The following ARAP1 variants were observed in gnomAD, a reference collection of about 807,000 sequenced individuals.
ARAP1 encodes the protein arf-GAP with Rho-GAP domain, ANK repeat and PH domain-containing protein 1.
A neutral mutation model predicts 172.2 loss-of-function variants in ARAP1; 76 were observed. The observed-to-expected ratio is 0.44, with a 90% CI of 0.37 to 0.53. ARAP1 has a LOEUF of 0.53. ARAP1 is among the 20% of genes least tolerant of loss of function. The probability of loss-of-function intolerance (pLI) is 0.00; values close to 1 mark genes in which losing one functional copy is unlikely to be tolerated. For synonymous variants in ARAP1, 804 were observed against 803.3 expected (o/e 1.00, Z -0.01); for missense variants, 1,686 against 1,977.5 (o/e 0.85, Z 2.80).
In ARAP1 at chr11:72,706,747, A is replaced by G. The variant is rs146383888; in HGVS notation, c.1723+428T>C. Among the ~76,000 whole-genome samples the G allele has an allele frequency of 3.4e-3, 521 of 151,922 alleles. 4 individuals are homozygous for G. The highest frequency in any genetic ancestry group is 0.012 in the African/African-American group (501 of 41,412). ...CCACCAGCCAGAGTCTGACCCACAAATCTGACCATGTCCCCGCCTCCCATC... is the reference window on the plus strand; with the variant it reads ...CCACCAGCCAGAGTCTGACCCACAAGTCTGACCATGTCCCCGCCTCCCATC... On this transcript the variant is annotated intron_variant, in intron 12 of 34. Transcript: ENST00000393609.
At position 72,726,185 on chromosome 11, in the gene ARAP1, T is replaced by C. The variant is rs747428944; in HGVS notation, c.509+435A>G. Among the ~76,000 whole-genome samples the C allele has an allele frequency of 3.9e-5, 6 of 152,014 alleles. No homozygotes were observed. The highest frequency in any genetic ancestry group is 7.4e-5 in the Non-Finnish European group (5 of 67,976). ...CACCACCAGGACCTGGGCAGTCCCC[T>C]CACCCCCAACCCTACCCCGCAGCTT... On this transcript the variant is annotated intron_variant, in intron 3 of 34. Coordinates refer to ENST00000393609, the MANE Select transcript of ARAP1 (RefSeq NM_001040118.3). This position sits in a 1 kb window ranked among gnomAD's most constrained non-coding sequence, Gnocchi z 6.5.
At chr11:72,707,838 G>A (rs1028137427) in intron 11 of ARAP1, among the ~76,000 whole-genome samples, 2 of 152,058 alleles carry the variant, frequency 1.3e-5, no homozygotes, top group African/African-American at 4.8e-5. Context: ...TGTACCCTGA[G>A]GACAATGGAG....
At chr11:72,688,806 A>G in intron 30 of ARAP1, 1 of 427,650 alleles carries the variant, frequency 2.3e-6, no homozygotes, top group Non-Finnish European at 4.3e-6. Context: ...CCCAACTGGG[A>G]CATCTGTAAC....
intron 3 of ARAP1, among the ~76,000 whole-genome samples, chr11:72,723,923 A>C (rs1437388973): frequency 3.3e-5 from 5 of 152,174 alleles, no homozygotes; most frequent in Non-Finnish European, 5.9e-5. Flanking sequence ...CTCAAGCCTG[A>C]CAGTGCACAA....
rs1358930540 is a variant in ARAP1 at position 72,706,006 on chromosome 11, G to C, written c.1724-116C>G. The C allele has an allele frequency of 9.4e-6, 9 of 953,372 alleles. No homozygotes were observed. The East Asian group carries it at 1.0e-4, about 11-fold the overall frequency. 59.1% of individuals were successfully genotyped at this position (953,372 alleles called of 1,614,324 possible). On this transcript the variant is annotated intron_variant, in intron 12 of 34. Coordinates refer to ENST00000393609, the MANE Select transcript of ARAP1 (RefSeq NM_001040118.3). ...ATGAGAGGCCACAGGCAGGCCCCAGGGGGTAGGCCTGCTGGCAGCTCTGGA... is the reference window on the plus strand; with the variant it reads ...ATGAGAGGCCACAGGCAGGCCCCAGCGGGTAGGCCTGCTGGCAGCTCTGGA...
chr11:72,730,314 T>G (rs540292723), intron 2 of ARAP1, among the ~76,000 whole-genome samples: 1 of 152,344 alleles, frequency 6.6e-6, no homozygotes, highest in African/African-American at 2.4e-5. Flanking sequence ...AAATACTGCT[T>G]TCTACCTATC....
Position 72,712,536 on chromosome 11 carries a change from G to C in ARAP1, c.780C>G (p.Ala260=). The change falls in exon 6 of 35, where the codon GCC becomes GCG. Residue 260 remains alanine (A), a synonymous_variant. Transcript: ENST00000393609. ...CGCTCAGCAGACTGGCCACGCGCAC[G>C]GCCCGTGGGACTCGGCTCGGTGGGG... is the stretch of plus-strand genomic sequence containing the variant. ...EEPPPSRVPR[A]VRVASLLSEG... 1 of 1,613,472 alleles carries C rather than the reference G, an allele frequency of 6.2e-7. No homozygotes were observed. The highest frequency in any genetic ancestry group is 8.5e-7 in the Non-Finnish European group (1 of 1,179,924).
intron 4 of ARAP1, 114 bp from the exon 5 acceptor site, chr11:72,713,357 C>A: frequency 2.1e-6 from 2 of 960,168 alleles, no homozygotes; most frequent in Admixed American, 2.4e-5. Flanking sequence ...TCCCCACCTC[C>A]CCCTGGCTTT....
chr11:72,708,932 G>A (rs987793128), intron 11 of ARAP1, among the ~76,000 whole-genome samples: 3 of 152,086 alleles, frequency 2.0e-5, no homozygotes, highest in Non-Finnish European at 4.4e-5. Context: ...AGCTACTTGG[G>A]GAGGCTGAAG....
Position 72,695,721 on chromosome 11 carries a change from A to G in ARAP1, c.3417T>C (p.Phe1139=). 6.2e-7 allele frequency: 1 copy of G among 1,614,164 alleles called. No homozygotes were observed. Among genetic ancestry groups the G allele is most frequent in the Non-Finnish European group, 8.5e-7 (1 of 1,180,022 alleles). ...EDLINHYVVV[F]SVDEEELRKQ... is the part of the protein sequence containing the mutation. ...TGCCCACTGGCCAGGGACGCACACTAAACACCACCACATAGTGGTTAATGA... is the reference window on the plus strand; with the variant it reads ...TGCCCACTGGCCAGGGACGCACACTGAACACCACCACATAGTGGTTAATGA... The change falls in exon 24 of 35, where the codon TTT becomes TTC. Residue 1139 remains phenylalanine (F), a synonymous_variant. Coordinates refer to ENST00000393609, the MANE Select transcript of ARAP1 (RefSeq NM_001040118.3). This position sits in a 1 kb window ranked among gnomAD's most constrained non-coding sequence, Gnocchi z 4.4.
chr11:72,719,574 G>C (rs1443198903), intron 3 of ARAP1, among the ~76,000 whole-genome samples: 1 of 152,194 alleles, frequency 6.6e-6, no homozygotes, highest in Non-Finnish European at 1.5e-5. Flanking sequence ...CACCTTGAAG[G>C]AGACCCAGGC....
chr11:72,697,834 T>TGG, intron 19 of ARAP1, 77 bp downstream of exon 19: 1 of 1,489,844 alleles, frequency 6.7e-7, no homozygotes, highest in South Asian at 1.4e-5. Flanking sequence ...AGTTCAGATT[T>TGG]CCAGGCAAGG....
At chr11:72,716,172 C>CA (rs201462857) in intron 3 of ARAP1, among the ~76,000 whole-genome samples, 14,506 of 72,056 alleles carry the variant, frequency 0.2, 1,699 homozygotes, top group African/African-American at 0.3. Flanking sequence ...GACTCCGTCT[C>CA]AAAAAAAAAA....
chr11:72,705,753 CT>C, intron 13 of ARAP1, 51 bp downstream of exon 13: 1 of 1,595,076 alleles, frequency 6.3e-7, no homozygotes. Flanking sequence ...ACCCAGACAG[CT>C]GTTGAATGGG....
In ARAP1 at chr11:72,697,426, C is replaced by T. The variant is rs1400436951; in HGVS notation, c.2850G>A (p.Gln950=). ...TGTCCCCCATGCTGGCGGCTGCTTT[C>T]TGGATGGCCCCCAGCCAACCCATGA... ...LDFMGWLGAI[Q]KAAASMGDTL... The change falls in exon 21 of 35, where the codon CAG becomes CAA. Residue 950 remains glutamine, a synonymous_variant. Transcript: ENST00000393609. The T allele has an allele frequency of 3.1e-6, 5 of 1,612,140 alleles. No homozygotes were observed. In the African/African-American group the frequency reaches 6.7e-5, roughly 22 times the overall value.
At chr11:72,685,909 C>G in intron 34 of ARAP1, 133 bp downstream of exon 34, 1 of 1,537,392 alleles carries the variant, frequency 6.5e-7, no homozygotes, top group Non-Finnish European at 9.0e-7. Flanking sequence ...ATGAGGGCCC[C>G]CACCAAGGCT....
At chr11:72,744,841 G>A (rs370332374) in intron 1 of ARAP1, among the ~76,000 whole-genome samples, 1 of 152,178 alleles carries the variant, frequency 6.6e-6, no homozygotes, top group East Asian at 1.9e-4. Context: ...GTTCATGTCC[G>A]TGGAACAGAA....
At chr11:72,743,577 G>C (rs1001932290) in intron 1 of ARAP1, among the ~76,000 whole-genome samples, 7 of 152,176 alleles carry the variant, frequency 4.6e-5, no homozygotes. Context: ...GGCAGAGTGA[G>C]GGAGAGTTGG....
rs1019765398 is a variant in ARAP1, at chr11:72,686,906, G to C, written c.4185+533C>G. Among the ~76,000 whole-genome samples the C allele has an allele frequency of 2.0e-5, 3 of 152,140 alleles. No individual in the cohort carries two copies. In the South Asian group the frequency reaches 6.2e-4, roughly 32 times the overall value. ...CTGTGTCGAGGTCAGTTTCCCTGGCGTGACCTACAAGCCTCTTCTGAGATT... is the reference window on the plus strand; with the variant it reads ...CTGTGTCGAGGTCAGTTTCCCTGGCCTGACCTACAAGCCTCTTCTGAGATT... On this transcript the variant is annotated intron_variant, in intron 33 of 34. Coordinates refer to ENST00000393609, the MANE Select transcript of ARAP1 (RefSeq NM_001040118.3).
Sources: allele counts gnomAD v4.1 joint callset (sites outside exome capture counted in the v4.1 genomes callset), GRCh38; gene constraint gnomAD v4.1.1; non-coding constraint Gnocchi (gnomAD v3.1); transcripts MANE v1.5; gene names NCBI Gene and HGNC (gene_info 2026-07-23, HGNC 2026-07-21).